ZNF519: variants seen among roughly 807,000 people sequenced by gnomAD.
The protein encoded by ZNF519 is zinc finger protein 519.
ZNF519 carries 7 observed loss-of-function variants against 7.4 expected under a neutral mutation model. The ratio of observed to expected loss-of-function variants is 0.94; its 90% confidence interval spans 0.54 to 1.77. The LOEUF is 1.77. Among genes scored for constraint, ZNF519 ranks in the 40% most tolerant of loss-of-function variants. The probability of loss-of-function intolerance (pLI) is 0.00; values close to 1 mark genes in which losing one functional copy is unlikely to be tolerated. For synonymous variants in ZNF519, 179 were observed against 203.3 expected (o/e 0.88, Z 1.02); for missense variants, 586 against 623.1 (o/e 0.94, Z 0.63).
intron 2 of ZNF519, among the ~76,000 whole-genome samples, chr18:14,119,179 C>T (rs761296877): frequency 6.6e-6 from 1 of 152,142 alleles, no homozygotes; most frequent in Non-Finnish European, 1.5e-5. Context: ...CCAGCAGCAC[C>T]CTTGTGACCC....
intron 2 of ZNF519, among the ~76,000 whole-genome samples, chr18:14,115,186 T>C (rs533864019): frequency 4.6e-5 from 7 of 152,178 alleles, no homozygotes; most frequent in Non-Finnish European, 1.0e-4. Context: ...AGCACAGCTT[T>C]ATCTTCTCCC....
intron 2 of ZNF519, among the ~76,000 whole-genome samples, chr18:14,091,787 A>C (rs375808932): frequency 1.3e-5 from 2 of 152,080 alleles, no homozygotes; most frequent in Admixed American, 1.3e-4. Flanking sequence ...GAGGTCAGTA[A>C]AAAATATTGA....
At chr18:14,124,887 G>A (rs138745002) in intron 1 of ZNF519, among the ~76,000 whole-genome samples, 203 of 152,272 alleles carry the variant, frequency 1.3e-3, no homozygotes, top group African/African-American at 4.5e-3. Flanking sequence ...GAGGGCACAG[G>A]TGATGGTCTC....
intron 2 of ZNF519, 24 bp from the exon 3 acceptor site, chr18:14,106,433 T>C: frequency 6.5e-7 from 1 of 1,532,546 alleles, no homozygotes; most frequent in South Asian, 1.3e-5. Flanking sequence ...AAATAACTAA[T>C]TATTCTACAT....
intron 1 of ZNF519, among the ~76,000 whole-genome samples, chr18:14,125,136 C>T (rs1187924332): frequency 1.3e-5 from 2 of 152,218 alleles, no homozygotes; most frequent in African/African-American, 2.4e-5. Context: ...AAAGCAGGCA[C>T]ACACAGAATC....
chr18:14,086,393 C>A (rs2046090643), intron 2 of ZNF519, among the ~76,000 whole-genome samples: 1 of 152,204 alleles, frequency 6.6e-6, no homozygotes, highest in Non-Finnish European at 1.5e-5. Flanking sequence ...ACTTGAGGAT[C>A]CCCCTGCGCT....
At chr18:14,080,315 G>GTTTTTTTTTTTTT (rs55805123) in intron 3 of ZNF519, 2 of 101,256 alleles carry the variant, frequency 2.0e-5, no homozygotes, top group Non-Finnish European at 3.6e-5. Context: ...CAATTTGACA[G>GTTTTTTTTTTTTT]TTTTTTTTTT....
chr18:14,123,197 A>G, intron 2 of ZNF519: 1 of 225,238 alleles, frequency 4.4e-6, no homozygotes, highest in Non-Finnish European at 8.9e-6. Context: ...GTCTGGTTAG[A>G]GATAGCAACA....
At chr18:14,107,321 G>A (rs887733343) in intron 2 of ZNF519, among the ~76,000 whole-genome samples, 4 of 152,162 alleles carry the variant, frequency 2.6e-5, no homozygotes, top group Non-Finnish European at 4.4e-5. Context: ...AAATTTCTAG[G>A]TACATGCTGG....
At chr18:14,073,772 T>G (rs935923552), downstream of ZNF519, 1 of 152,234 alleles carries the variant, frequency 6.6e-6, no homozygotes, top group Admixed American at 6.5e-5. Flanking sequence ...TACAAAAATA[T>G]GAATGTAGAT....
At chr18:14,095,815 T>C (rs2046134116), downstream of ZNF519, among the ~76,000 whole-genome samples, 1 of 152,192 alleles carries the variant, frequency 6.6e-6, no homozygotes, top group Admixed American at 6.5e-5. Context: ...TGCCCAGGAC[T>C]GGGGGAGAAA....
chr18:14,092,282 G>C (rs1190071088), intron 2 of ZNF519, among the ~76,000 whole-genome samples: 5 of 152,214 alleles, frequency 3.3e-5, no homozygotes, highest in Non-Finnish European at 7.4e-5. Flanking sequence ...TGTGTGAAGG[G>C]GGTGTCCTTC....
chr18:14,118,636 T>C (rs554150081), intron 2 of ZNF519, among the ~76,000 whole-genome samples: 6 of 152,150 alleles, frequency 3.9e-5, no homozygotes, highest in South Asian at 2.1e-4. Flanking sequence ...GAAGAGCCCA[T>C]GGACATGGCT....
downstream of ZNF519, among the ~76,000 whole-genome samples, chr18:14,098,229 T>G (rs1027122545): frequency 1.3e-5 from 2 of 151,774 alleles, no homozygotes; most frequent in Admixed American, 1.3e-4. Context: ...GGCACAATCT[T>G]GGCTCACTGC....
intron 3 of ZNF519, chr18:14,082,042 TA>T (rs1277383686): frequency 1.3e-5 from 2 of 151,616 alleles, no homozygotes; most frequent in Non-Finnish European, 2.9e-5. Flanking sequence ...AAGATATACA[TA>T]AAAAAATAAA....
intron 3 of ZNF519, among the ~76,000 whole-genome samples, chr18:14,081,824 T>C (rs2046071639): frequency 6.6e-6 from 1 of 152,110 alleles, no homozygotes. Context: ...ATATTTAAAT[T>C]AAAAGGTCTC....
At position 14,105,839 on chromosome 18, in the gene ZNF519, T is replaced by C; in HGVS notation, c.701A>G (p.Glu234Gly). 6.2e-7 allele frequency: 1 copy of C among 1,602,224 alleles called. No individual in the cohort carries two copies. Among genetic ancestry groups the C allele is most frequent in the Non-Finnish European group, 8.5e-7 (1 of 1,176,440 alleles). ...TTTTTTATTACATCTTTGTGAGCTC[T>C]CTCCAATATAAATTCTTTGATGTTG... ...LTQHQRIYIG[E>G]SSQRCNKKCI... The change falls in exon 3 of 3, where the codon GAG becomes GGG. Residue 234 changes from glutamate (E) to glycine (G), a missense_variant. Transcript: ENST00000590202.
At chr18:14,074,432 C>T (rs962142195), downstream of ZNF519, 5 of 152,782 alleles carry the variant, frequency 3.3e-5, no homozygotes, top group African/African-American at 1.2e-4. Flanking sequence ...GAATGCATAT[C>T]TGGCGCTCTC....
Position 14,106,286 on chromosome 18 carries a change from C to G in ZNF519, c.254G>C (p.Trp85Ser), listed in dbSNP as rs1490145377. 1 of 1,613,018 alleles carries G rather than the reference C, an allele frequency of 6.2e-7. No individual in the cohort carries two copies. The highest frequency in any genetic ancestry group is 1.7e-5 in the Admixed American group (1 of 59,772). Reference protein sequence around the residue: ...GLENICLWKNWESIGEGEGQK... With the variant: ...GLENICLWKNSESIGEGEGQK... The stretch of plus-strand genomic sequence containing the variant: ...TCCTTCACCTTCACCTATACTTTCC[C>G]AGTTTTTCCATAAGCATATATTTTC... Residue 85 changes from tryptophan (W) to serine (S), a missense_variant, in exon 3 of 3, where the codon TGG becomes TCG. Trp to Ser is a radical substitution (Grantham distance 177, BLOSUM62 -3). Transcript: ENST00000590202.
Sources: gnomAD v4.1 joint callset for allele counts (sites outside exome capture counted in the v4.1 genomes callset) on GRCh38, gnomAD v4.1.1 for gene constraint, MANE v1.5 for transcripts, NCBI Gene and HGNC (gene_info 2026-07-23, HGNC 2026-07-21) for gene names.